The following RBFOX1 variants were observed in gnomAD, a reference collection of about 807,000 sequenced individuals.
The protein encoded by RBFOX1 is RNA binding fox-1 homolog 1.
A neutral mutation model predicts 57.7 loss-of-function variants in RBFOX1; 8 were observed. The ratio of observed to expected loss-of-function variants is 0.14; its 90% CI spans 0.08 to 0.25. The LOEUF (loss-of-function observed/expected upper bound fraction) is 0.25, where lower values mean the gene tolerates loss of function less well. Ranked by LOEUF, RBFOX1 falls within the 10% of genes least tolerant of loss-of-function variation. RBFOX1 has a pLI of 1.00. For synonymous variants in RBFOX1, 326 were observed against 222.4 expected, an observed-to-expected ratio of 1.47 and a Z score of -4.15; for missense variants, 611 against 548.5, an observed-to-expected ratio of 1.11 and a Z score of -1.14.
chr16:5,791,990 GATGACTTTGGCAGGGCGCTGGCTCT>G (rs1385489074), intron 3 of RBFOX1, among the ~76,000 whole-genome samples: 2 of 152,240 alleles, frequency 1.3e-5, no homozygotes, highest in African/African-American at 4.8e-5. Context: ...AGACTTTGAG[GATGACTTTGGCAGGGCGCTGGCTCT>G]CCCCCGCAAC....
At chr16:5,657,309 T>C (rs556439018) in intron 3 of RBFOX1, among the ~76,000 whole-genome samples, 1 of 152,148 alleles carries the variant, frequency 6.6e-6, no homozygotes, top group Non-Finnish European at 1.5e-5. Flanking sequence ...GTATAAACAA[T>C]TTATTGTATC....
At chr16:7,374,895 T>C (rs2097655377) in intron 4 of RBFOX1, among the ~76,000 whole-genome samples, 2 of 152,186 alleles carry the variant, frequency 1.3e-5, no homozygotes, top group Admixed American at 1.3e-4. Flanking sequence ...GTCTCTTCCA[T>C]GACCTGCCAG....
chr16:7,431,417 T>TGTGC (rs2098678700), intron 4 of RBFOX1: 1 of 151,924 alleles, frequency 6.6e-6, no homozygotes, highest in Admixed American at 6.6e-5. Context: ...TGTGTGTGTG[T>TGTGC]GTGTGTGTAG....
Position 7,125,473 on chromosome 16 carries a change from G to A in RBFOX1, c.27+73375G>A, listed in dbSNP as rs185964091. ...TTCTGTTAAAAATTTCAAACCTGTC[G>A]GATGCTAAGCAGTTTTCTAGTTTGA... is the stretch of plus-strand genomic sequence containing the variant. On this transcript the variant is annotated intron_variant, in intron 4 of 15. Coordinates refer to ENST00000550418, the MANE Select transcript of RBFOX1 (RefSeq NM_018723.4). Among the ~76,000 whole-genome samples the A allele has an allele frequency of 1.7e-3, 262 of 152,176 alleles. 4 individuals are homozygous for A. Among genetic ancestry groups the A allele is most frequent in the African/African-American group, 5.8e-3 (242 of 41,502 alleles).
intron 9 of RBFOX1, among the ~76,000 whole-genome samples, chr16:7,603,751 C>G (rs1208042570): frequency 1.3e-5 from 2 of 151,976 alleles, no homozygotes; most frequent in African/African-American, 2.4e-5. Flanking sequence ...GAAGTGGTAC[C>G]AAAGAGGTAC....
chr16:6,986,184 T>TTTCTTTA (rs752491485), intron 3 of RBFOX1, among the ~76,000 whole-genome samples: 1 of 144,142 alleles, frequency 6.9e-6, no homozygotes, highest in Non-Finnish European at 1.5e-5. Context: ...CAATTTCTAT[T>TTTCTTTA]TTTATTTATT....
chr16:5,953,008 G>A (rs2059551415), intron 4 of RBFOX1, among the ~76,000 whole-genome samples: 1 of 151,954 alleles, frequency 6.6e-6, no homozygotes, highest in South Asian at 2.1e-4. Flanking sequence ...AAATACAATG[G>A]CAGCAGTTCC....
In RBFOX1 at chr16:6,097,829, T is replaced by C. The variant is rs925185153; in HGVS notation, c.-127+77837T>C. ...TATTTTCTATCACCGTACTTACTGG[T>C]GGAGTGGAAGTCCCTTGGAAGTGGG... On this transcript the variant is annotated intron_variant, in intron 1 of 15. Coordinates refer to ENST00000550418, the MANE Select transcript of RBFOX1 (RefSeq NM_018723.4). The surrounding 1 kb of genome is among the most constrained non-coding windows in gnomAD (Gnocchi z 5.0). 6.6e-6 allele frequency among the ~76,000 whole-genome samples: 1 copy of C among 151,724 alleles called. No homozygotes were observed. The highest frequency in any genetic ancestry group is 1.9e-4 in the East Asian group (1 of 5,154).
intron 4 of RBFOX1, among the ~76,000 whole-genome samples, chr16:7,057,668 G>T (rs1254352326): frequency 6.6e-6 from 1 of 152,150 alleles, no homozygotes; most frequent in Non-Finnish European, 1.5e-5. Flanking sequence ...ACTCTTGAGG[G>T]AAGACTTCAT....
At chr16:7,700,867 A>G (rs933674768) in intron 14 of RBFOX1, among the ~76,000 whole-genome samples, 1 of 152,138 alleles carries the variant, frequency 6.6e-6, no homozygotes, top group Admixed American at 6.5e-5. Context: ...TTGGTGGGCT[A>G]GAGAAAAGAT....
intron 4 of RBFOX1, among the ~76,000 whole-genome samples, chr16:7,384,719 A>G (rs1469102893): frequency 6.6e-6 from 1 of 152,196 alleles, no homozygotes; most frequent in Non-Finnish European, 1.5e-5. Context: ...CGAAATAGAG[A>G]TGTAAGTCAG....
chr16:5,837,606 CTTTTT>C (rs35808036), intron 3 of RBFOX1, among the ~76,000 whole-genome samples: 1 of 143,752 alleles, frequency 7.0e-6, no homozygotes, highest in Admixed American at 6.9e-5. Flanking sequence ...CCAGCCCCCT[CTTTTT>C]TTTTTTTTTT....
chr16:5,605,399 C>A (rs533486596), intron 3 of RBFOX1, among the ~76,000 whole-genome samples: 4 of 152,156 alleles, frequency 2.6e-5, no homozygotes, highest in Admixed American at 6.5e-5. Flanking sequence ...GGAGGTTAGA[C>A]CCAGTCCCAG....
At chr16:5,952,736 G>A (rs1327552443) in intron 4 of RBFOX1, among the ~76,000 whole-genome samples, 1 of 152,082 alleles carries the variant, frequency 6.6e-6, no homozygotes, top group Non-Finnish European at 1.5e-5. Flanking sequence ...ATCTCTCTGG[G>A]GTTTCCCTGT....
chr16:6,591,550 A>G (rs980994124), intron 2 of RBFOX1, among the ~76,000 whole-genome samples: 4 of 152,204 alleles, frequency 2.6e-5, no homozygotes, highest in Admixed American at 2.0e-4. Flanking sequence ...AGTTCCTGGT[A>G]GAGCTGGGAG....
At chr16:5,598,569 A>G (rs934143070) in intron 2 of RBFOX1, among the ~76,000 whole-genome samples, 4 of 152,238 alleles carry the variant, frequency 2.6e-5, no homozygotes, top group Admixed American at 6.5e-5. Context: ...TCTAACATGT[A>G]ATCGATATAA....
chr16:5,388,521 C>T (rs2151412192), intron 1 of RBFOX1, among the ~76,000 whole-genome samples: 1 of 152,064 alleles, frequency 6.6e-6, no homozygotes, highest in East Asian at 1.9e-4. Flanking sequence ...CTGGATTTGG[C>T]CTGTGGTTTG....
chr16:6,773,153 A>ATGTG (rs2078668425), intron 3 of RBFOX1, among the ~76,000 whole-genome samples: 4 of 44,100 alleles, frequency 9.1e-5, no homozygotes, highest in African/African-American at 2.0e-4. Flanking sequence ...GTGTTTGTGT[A>ATGTG]TGGGTGTGGG....
At chr16:7,507,533 G>A (rs1016999915) in intron 4 of RBFOX1, among the ~76,000 whole-genome samples, 1 of 150,630 alleles carries the variant, frequency 6.6e-6, no homozygotes, top group Non-Finnish European at 1.5e-5. Flanking sequence ...TGGTGTGAAG[G>A]CCTTGGAACG....
Sources: allele counts gnomAD v4.1 joint callset (sites outside exome capture counted in the v4.1 genomes callset), GRCh38; gene constraint gnomAD v4.1.1; non-coding constraint Gnocchi (gnomAD v3.1); transcripts MANE v1.5; gene names NCBI Gene and HGNC (gene_info 2026-07-23, HGNC 2026-07-21).